Variants in LARP1 observed in about 807,000 individuals in gnomAD.
LARP1 encodes La ribonucleoprotein 1, translational regulator.
LARP1 carries 36 observed loss-of-function variants against 122.7 expected under a neutral mutation model. The ratio of observed to expected loss-of-function variants is 0.29; its 90% CI spans 0.22 to 0.39. The LOEUF (loss-of-function observed/expected upper bound fraction) is 0.39, where lower values mean the gene tolerates loss of function less well. Among genes scored for constraint, LARP1 ranks in the 10% least tolerant of loss-of-function variants. The probability of loss-of-function intolerance (pLI) is 1.00; values close to 1 mark genes in which losing one functional copy is unlikely to be tolerated. For missense variants in LARP1, 1,040 were observed against 1,403.6 expected, an observed-to-expected ratio of 0.74 and a Z score of 4.14; for synonymous variants, 539 against 528.7, an observed-to-expected ratio of 1.02 and a Z score of -0.27.
chr5:154,691,395 A>C (rs1319396000), intron 1 of LARP1, among the ~76,000 whole-genome samples: 1 of 152,136 alleles, frequency 6.6e-6, no homozygotes, highest in Non-Finnish European at 1.5e-5. Context: ...GCGGAGGTTA[A>C]AACTGGCCCT....
chr5:154,782,075 G>A (rs577582667), intron 1 of LARP1, among the ~76,000 whole-genome samples: 1 of 152,324 alleles, frequency 6.6e-6, no homozygotes, highest in South Asian at 2.1e-4. Context: ...GACTAGATCT[G>A]AGGAGTCAGT....
At chr5:154,795,927 TTTATATA>T (rs1369350764) in intron 8 of LARP1, among the ~76,000 whole-genome samples, 1 of 122,540 alleles carries the variant, frequency 8.2e-6, no homozygotes, top group Non-Finnish European at 1.6e-5. Context: ...TATATTTATA[TTTATATA>T]TTATATATTT....
upstream of LARP1, among the ~76,000 whole-genome samples, chr5:154,753,493 T>G (rs753712589): frequency 6.6e-6 from 1 of 152,242 alleles, no homozygotes; most frequent in Non-Finnish European, 1.5e-5. Flanking sequence ...ATTTACCTTC[T>G]GATTAAGAGT....
intron 1 of LARP1, among the ~76,000 whole-genome samples, chr5:154,683,845 G>A (rs1257209370): frequency 6.6e-6 from 1 of 152,156 alleles, no homozygotes; most frequent in Admixed American, 6.5e-5. Context: ...AATTATCTGG[G>A]GATCAGAGTA....
Position 154,811,376 on chromosome 5 carries a change from C to T in LARP1, c.2953+20C>T. 1 of 1,611,882 alleles carries T rather than the reference C, an allele frequency of 6.2e-7. No individual in the cohort carries two copies. The highest frequency in any genetic ancestry group is 8.5e-7 in the Non-Finnish European group (1 of 1,177,950). On this transcript the variant is annotated intron_variant, in intron 17 of 18. Transcript: ENST00000518297. ...AAGCTGGTAAGAGCCAGAGTTGGAT[C>T]TGAGTGAGGCCTGGTCATGTAGGCC...
intron 1 of LARP1, among the ~76,000 whole-genome samples, chr5:154,780,013 A>C (rs1215806183): frequency 6.6e-6 from 1 of 151,726 alleles, no homozygotes. Context: ...TCACCGAGAG[A>C]GGCAAATTAG....
In LARP1 at chr5:154,804,293, T is replaced by A. The variant is rs559936423; in HGVS notation, c.2532T>A (p.Arg844=). 1.9e-6 allele frequency: 3 copies of A among 1,613,776 alleles called. No homozygotes were observed. In the Admixed American group the frequency reaches 5.0e-5, roughly 27 times the overall value. ...TGGATTCCCGTGAGCACAGGCCCCG[T>A]ACTGCTTCCATCAGGTACCTGGGGC... ...WVMDSREHRP[R]TASISSSPSE... Residue 844 remains arginine, a synonymous_variant, in exon 14 of 19, where the codon CGT becomes CGA. Coordinates refer to ENST00000518297, the MANE Select transcript of LARP1 (RefSeq NM_033551.3).
At chr5:154,683,807 A>G (rs1753798867) in intron 1 of LARP1, among the ~76,000 whole-genome samples, 1 of 152,234 alleles carries the variant, frequency 6.6e-6, no homozygotes, top group South Asian at 2.1e-4. Flanking sequence ...AACATAGGGA[A>G]TTCTTTTGTG....
At chr5:154,723,003 C>A (rs553013884) in intron 1 of LARP1, among the ~76,000 whole-genome samples, 1 of 152,298 alleles carries the variant, frequency 6.6e-6, no homozygotes, top group East Asian at 1.9e-4. Flanking sequence ...TTTAACTCTT[C>A]TCTGCTTCAG....
chr5:154,733,077 G>A (rs570114294), intron 1 of LARP1, among the ~76,000 whole-genome samples: 7 of 152,202 alleles, frequency 4.6e-5, no homozygotes, highest in Admixed American at 6.5e-5. Context: ...CATTGGCTCC[G>A]TCTGGACCCA....
intron 1 of LARP1, among the ~76,000 whole-genome samples, chr5:154,735,734 A>G (rs1251301822): frequency 2.0e-5 from 2 of 102,284 alleles, no homozygotes; most frequent in Non-Finnish European, 1.9e-5. Context: ...ATGCCCAGCT[A>G]ATTTTTTTTG....
At chr5:154,805,725 C>A in intron 14 of LARP1, 156 bp from the exon 15 acceptor site, 1 of 718,724 alleles carries the variant, frequency 1.4e-6, no homozygotes, top group Non-Finnish European at 2.4e-6. Context: ...TAATCAGACC[C>A]ATGGATATAA....
upstream of LARP1, among the ~76,000 whole-genome samples, chr5:154,752,764 C>G (rs559367936): frequency 3.3e-5 from 5 of 151,756 alleles, no homozygotes; most frequent in East Asian, 7.9e-4. Context: ...TATGGTGAAA[C>G]CCCATCACTA....
chr5:154,788,865 G>C (rs1757094893), intron 1 of LARP1, among the ~76,000 whole-genome samples: 1 of 152,176 alleles, frequency 6.6e-6, no homozygotes, highest in African/African-American at 2.4e-5. Context: ...TCGTTCTAGA[G>C]TTTGTACTGT....
At chr5:154,720,870 G>T (rs1755823739) in intron 1 of LARP1, among the ~76,000 whole-genome samples, 2 of 152,140 alleles carry the variant, frequency 1.3e-5, no homozygotes, top group African/African-American at 2.4e-5. Flanking sequence ...GAACCCTGAA[G>T]ATTCTGGAAG....
At chr5:154,813,695 G>A (rs527296915) in intron 18 of LARP1, among the ~76,000 whole-genome samples, 192 bp from the exon 19 acceptor site, 4 of 152,216 alleles carry the variant, frequency 2.6e-5, no homozygotes, top group Non-Finnish European at 5.9e-5. Flanking sequence ...CTGACCCCAT[G>A]AGAGAGTGTG....
intron 8 of LARP1, among the ~76,000 whole-genome samples, chr5:154,798,343 A>G (rs899252720): frequency 2.6e-5 from 4 of 152,228 alleles, no homozygotes. Context: ...TGGTAAATGG[A>G]AATATACAAC....
upstream of LARP1, among the ~76,000 whole-genome samples, chr5:154,710,972 C>A (rs373801840): frequency 1.3e-5 from 2 of 151,882 alleles, no homozygotes; most frequent in Non-Finnish European, 2.9e-5. Flanking sequence ...AACAGGCAGC[C>A]CTTTTTAAAA....
At chr5:154,806,109 G>GGGAT (rs1758756555) in intron 15 of LARP1, 77 bp downstream of exon 15, 29 of 1,451,742 alleles carry the variant, frequency 2.0e-5, no homozygotes, top group Non-Finnish European at 2.7e-5. Flanking sequence ...GGGGGATACG[G>GGGAT]GGATAGGTGA....
Sources: allele counts gnomAD v4.1 joint callset (sites outside exome capture counted in the v4.1 genomes callset), GRCh38; gene constraint gnomAD v4.1.1; transcripts MANE v1.5; gene names NCBI Gene and HGNC (gene_info 2026-07-23, HGNC 2026-07-21).